Variants in PRKAG2 observed in about 807,000 individuals in gnomAD.
The protein encoded by PRKAG2 is 5'-AMP-activated protein kinase subunit gamma-2.
In PRKAG2, 26 loss-of-function variants were observed where a neutral mutation model predicts 69.6. That is an observed-to-expected ratio of 0.37 (90% CI 0.27 to 0.52). PRKAG2 has a LOEUF of 0.52. Among genes scored for constraint, PRKAG2 ranks in the 20% least tolerant of loss-of-function variants. The pLI is 0.90. For synonymous variants in PRKAG2, 293 were observed against 285.0 expected, an observed-to-expected ratio of 1.03 and a Z score of -0.28; for missense variants, 557 against 740.0, an observed-to-expected ratio of 0.75 and a Z score of 2.87.
chr7:151,591,361 A>G (rs1431306907), intron 6 of PRKAG2, among the ~76,000 whole-genome samples: 1 of 152,222 alleles, frequency 6.6e-6, no homozygotes, highest in Non-Finnish European at 1.5e-5. Context: ...CCATCTTCAC[A>G]CTGCACACTG....
chr7:151,813,697 G>C (rs922320450), intron 1 of PRKAG2, among the ~76,000 whole-genome samples: 6 of 152,026 alleles, frequency 3.9e-5, no homozygotes, highest in African/African-American at 1.5e-4. Flanking sequence ...GACAGCCCAC[G>C]GTTCAGCCAC....
At chr7:151,622,548 G>C (rs895269893) in intron 5 of PRKAG2, among the ~76,000 whole-genome samples, 1 of 152,306 alleles carries the variant, frequency 6.6e-6, no homozygotes, top group East Asian at 1.9e-4. Flanking sequence ...CAGTTCAAAT[G>C]GGAGGCAATG....
intron 3 of PRKAG2, among the ~76,000 whole-genome samples, chr7:151,684,222 G>A (rs923817123): frequency 3.9e-5 from 6 of 152,136 alleles, no homozygotes; most frequent in Admixed American, 6.5e-5. Flanking sequence ...AGGCCTGGGC[G>A]GTAATGACTC....
chr7:151,714,586 C>T (rs1273863548), intron 3 of PRKAG2, among the ~76,000 whole-genome samples: 1 of 152,172 alleles, frequency 6.6e-6, no homozygotes, highest in Non-Finnish European at 1.5e-5. Context: ...AAAAACTACT[C>T]TAGTAAAAAG....
chr7:151,649,435 T>C (rs900420261), intron 4 of PRKAG2, among the ~76,000 whole-genome samples: 30 of 152,186 alleles, frequency 2.0e-4, no homozygotes, highest in African/African-American at 7.2e-4. Flanking sequence ...CAAGACTGCA[T>C]TTTTAAGTTG....
intron 5 of PRKAG2, among the ~76,000 whole-genome samples, chr7:151,618,525 G>C (rs944799083): frequency 6.6e-6 from 1 of 152,002 alleles, no homozygotes; most frequent in African/African-American, 2.4e-5. Context: ...AGCACTTTGG[G>C]AGGCCGAAGC....
At chr7:151,794,306 T>C (rs1384864303) in intron 1 of PRKAG2, among the ~76,000 whole-genome samples, 1 of 152,262 alleles carries the variant, frequency 6.6e-6, no homozygotes, top group Non-Finnish European at 1.5e-5. Context: ...GCAGAATCCC[T>C]GGCCCGGAGT....
chr7:151,661,161 T>C (rs1830254880), intron 4 of PRKAG2, among the ~76,000 whole-genome samples: 1 of 152,344 alleles, frequency 6.6e-6, no homozygotes, highest in African/African-American at 2.4e-5. Flanking sequence ...GAACTAGCCA[T>C]GGGCCTTTCA....
intron 5 of PRKAG2, among the ~76,000 whole-genome samples, chr7:151,595,895 T>G (rs912419117): frequency 6.6e-6 from 1 of 152,090 alleles, no homozygotes; most frequent in African/African-American, 2.4e-5. Flanking sequence ...CAAGGCCAGG[T>G]GCATTGGCTC....
chr7:151,558,574 G>A (rs772028812), intron 15 of PRKAG2: 155 of 915,554 alleles, frequency 1.7e-4, no homozygotes, highest in Admixed American at 2.5e-4. Flanking sequence ...CCTCACTTGC[G>A]ATTGTTGATC....
chr7:151,859,684 A>G (rs2079870626), intron 1 of PRKAG2, among the ~76,000 whole-genome samples: 1 of 152,156 alleles, frequency 6.6e-6, no homozygotes, highest in Non-Finnish European at 1.5e-5. Flanking sequence ...GCGCCATCAG[A>G]AGCTGAGTGG....
chr7:151,651,893 C>G (rs550228533), intron 4 of PRKAG2, among the ~76,000 whole-genome samples: 50 of 150,996 alleles, frequency 3.3e-4, no homozygotes, highest in African/African-American at 9.7e-4. Flanking sequence ...GTTCCAGAGA[C>G]TGGGGCTGGG....
intron 3 of PRKAG2, among the ~76,000 whole-genome samples, chr7:151,686,181 C>T (rs886709725): frequency 3.3e-5 from 5 of 152,096 alleles, no homozygotes; most frequent in African/African-American, 1.2e-4. Context: ...GCCCATAGGA[C>T]CGGAAGATCC....
At chr7:151,570,033 C>T (rs769840381) in intron 10 of PRKAG2, 138 bp downstream of exon 10, 15 of 958,470 alleles carry the variant, frequency 1.6e-5, no homozygotes, top group East Asian at 1.0e-4. Flanking sequence ...TTACTGAATG[C>T]GTACAGTGTA....
At chr7:151,732,449 A>G (rs947657811) in intron 3 of PRKAG2, among the ~76,000 whole-genome samples, 13 of 152,048 alleles carry the variant, frequency 8.5e-5, no homozygotes, top group African/African-American at 3.1e-4. Context: ...CTGAGATTCT[A>G]TCTCCGGGAA....
chr7:151,595,326 G>A lies in PRKAG2; in HGVS notation c.864+19C>T. On this transcript the variant is annotated intron_variant, in intron 6 of 15. Coordinates refer to ENST00000287878, the MANE Select transcript of PRKAG2 (RefSeq NM_016203.4). ...ATCCAAAAAATACCAAAAAATTCAT[G>A]AAAATGGAGTACACTTACTTGTAAT... 1 of 1,583,792 alleles carries A rather than the reference G, an allele frequency of 6.3e-7. No homozygotes were observed. The highest frequency in any genetic ancestry group is 2.2e-5 in the East Asian group (1 of 44,706).
chr7:151,705,728 G>T (rs1192566314), intron 3 of PRKAG2, among the ~76,000 whole-genome samples: 1 of 152,152 alleles, frequency 6.6e-6, no homozygotes, highest in Non-Finnish European at 1.5e-5. Flanking sequence ...CAGTCTCCCT[G>T]CTTAACTCTC....
chr7:151,848,042 C>G (rs2079476427), intron 1 of PRKAG2, among the ~76,000 whole-genome samples: 1 of 152,212 alleles, frequency 6.6e-6, no homozygotes. Flanking sequence ...TTAAACTACG[C>G]CACCCCTCCC....
At chr7:151,804,736 T>G (rs1382385556) in intron 1 of PRKAG2, among the ~76,000 whole-genome samples, 1 of 152,158 alleles carries the variant, frequency 6.6e-6, no homozygotes. Context: ...TATTCCGTGG[T>G]GTTCCATCGC....
Sources: gnomAD v4.1 joint callset for allele counts (sites outside exome capture counted in the v4.1 genomes callset) on GRCh38, gnomAD v4.1.1 for gene constraint, MANE v1.5 for transcripts, NCBI Gene and HGNC (gene_info 2026-07-23, HGNC 2026-07-21) for gene names.